Variants in TRIM62 observed in about 807,000 individuals in gnomAD.
TRIM62 encodes the protein tripartite motif containing 62, also known as E3 ubiquitin-protein ligase TRIM62.
In TRIM62, 39 loss-of-function variants were observed where a neutral mutation model predicts 44.2. The observed-to-expected ratio is 0.88, with a 90% CI of 0.68 to 1.15. TRIM62 has a LOEUF of 1.15. Among genes scored for constraint, TRIM62 ranks in the 50% most tolerant of loss-of-function variants. The probability of loss-of-function intolerance (pLI) is 0.00; values close to 1 mark genes in which losing one functional copy is unlikely to be tolerated. For missense variants in TRIM62, 544 were observed against 665.5 expected (o/e 0.82, Z 2.01); for synonymous variants, 278 against 292.3 (o/e 0.95, Z 0.50).
In TRIM62 at chr1:33,147,628, G is replaced by A; in HGVS notation, c.977C>T (p.Pro326Leu). ...IVAYGNLHPQ[P>L]LQDSPKRFDV... is the part of the protein sequence containing the mutation. ...GAAGCGCTTTGGCGAGTCCTGCAGTGGCTGTGGGTGCAAGTTGCCGTAAGC... is the reference window on the plus strand; with the variant it reads ...GAAGCGCTTTGGCGAGTCCTGCAGTAGCTGTGGGTGCAAGTTGCCGTAAGC... The change falls in exon 5 of 5, where the codon CCA becomes CTA. Residue 326 changes from proline to leucine, a missense_variant. Coordinates refer to ENST00000291416, the MANE Select transcript of TRIM62 (RefSeq NM_018207.3). The surrounding 1 kb of genome is among the most constrained non-coding windows in gnomAD (Gnocchi z 8.1). The A allele has an allele frequency of 6.2e-7, 1 of 1,614,032 alleles. No individual in the cohort carries two copies. The highest frequency in any genetic ancestry group is 8.5e-7 in the Non-Finnish European group (1 of 1,180,042).
intron 4 of TRIM62, among the ~76,000 whole-genome samples, chr1:33,151,059 C>T (rs1405300443): frequency 4.6e-5 from 7 of 152,058 alleles, no homozygotes; most frequent in African/African-American, 1.7e-4. Flanking sequence ...CAGCTTCAGA[C>T]TTGTAGCTTA....
chr1:33,181,108 G>A lies in TRIM62; in HGVS notation c.325C>T (p.Leu109Phe). 1 of 1,600,180 alleles carries A rather than the reference G, an allele frequency of 6.2e-7. No homozygotes were observed. The highest frequency in any genetic ancestry group is 8.5e-7 in the Non-Finnish European group (1 of 1,178,768). Residue 109 changes from leucine (L) to phenylalanine (F), a missense_variant, in exon 1 of 5, where the codon CTT becomes TTT. Coordinates refer to ENST00000291416, the MANE Select transcript of TRIM62 (RefSeq NM_018207.3). This position sits in a 1 kb window ranked among gnomAD's most constrained non-coding sequence, Gnocchi z 6.5. ...VKLFCLTDRA[L>F]LCFFCDEPAL... ...GGCTCGTCGCAGAAGAAGCAGAGAA[G>A]CGCGCGGTCCGTGAGGCAGAAGAGC...
intron 4 of TRIM62, among the ~76,000 whole-genome samples, chr1:33,154,076 G>C (rs1557751543): frequency 6.6e-6 from 1 of 152,246 alleles, no homozygotes; most frequent in Non-Finnish European, 1.5e-5. Context: ...GGATTGTGTA[G>C]AGGGCTGCAG....
At chr1:33,170,527 G>A (rs1364010748) in intron 1 of TRIM62, among the ~76,000 whole-genome samples, 1 of 152,040 alleles carries the variant, frequency 6.6e-6, no homozygotes, top group Admixed American at 6.6e-5. Flanking sequence ...TCTTCAGGAT[G>A]TCCCTGCCCA....
At chr1:33,173,245 T>G (rs1645388171) in intron 1 of TRIM62, among the ~76,000 whole-genome samples, 1 of 152,212 alleles carries the variant, frequency 6.6e-6, no homozygotes, top group Middle Eastern at 3.2e-3. Flanking sequence ...GGCCAGTCCC[T>G]GCTTCTAGGG....
chr1:33,146,689 A>C lies in TRIM62; in HGVS notation c.*488T>G. On this transcript the variant is annotated 3_prime_UTR_variant, in exon 5 of 5. Coordinates refer to ENST00000291416, the MANE Select transcript of TRIM62 (RefSeq NM_018207.3). ...CTCTCAGGCAACCCTAGGACCAGGT[A>C]CTACCTGTGACCACTGTGGACTGGG... The C allele has an allele frequency of 5.8e-6, 1 of 173,026 alleles. No individual in the cohort carries two copies. 10.7% of individuals were successfully genotyped at this position (173,026 alleles called of 1,614,324 possible). A position where few individuals can be genotyped will look rare whatever the true frequency, so the allele number is the denominator to read the frequency against.
chr1:33,157,793 G>A (rs1645201466), intron 4 of TRIM62, among the ~76,000 whole-genome samples: 1 of 150,148 alleles, frequency 6.7e-6, no homozygotes. Context: ...GTCTTGCTCT[G>A]TTGCCCAGGC....
chr1:33,177,996 A>G lies in TRIM62; in HGVS notation c.408+3029T>C, dbSNP rs1353595055. Among the ~76,000 whole-genome samples, 1 of 152,226 alleles carries G rather than the reference A, an allele frequency of 6.6e-6. No individual in the cohort carries two copies. The highest frequency in any genetic ancestry group is 1.5e-5 in the Non-Finnish European group (1 of 68,048). ...GAGCCAGGATTGAGATTACCTGGGTACAAAGCAGGGCTCTTAATTTCTCTG... is the reference window on the plus strand; with the variant it reads ...GAGCCAGGATTGAGATTACCTGGGTGCAAAGCAGGGCTCTTAATTTCTCTG... On this transcript the variant is annotated intron_variant, in intron 1 of 4. Transcript: ENST00000291416. This position sits in a 1 kb window ranked among gnomAD's most constrained non-coding sequence, Gnocchi z 4.1.
chr1:33,173,678 CT>C (rs11330769), intron 1 of TRIM62, among the ~76,000 whole-genome samples: 139,961 of 143,808 alleles, frequency 0.97, 68,138 homozygotes, highest in Non-Finnish European at 0.99. Flanking sequence ...CAGTTTCTTT[CT>C]TTTTTTTTTT....
intron 1 of TRIM62, among the ~76,000 whole-genome samples, chr1:33,180,119 A>T (rs1645449424): frequency 2.0e-5 from 3 of 152,120 alleles, no homozygotes. Context: ...AGGGAGACCG[A>T]TTAGAGTTCT....
Position 33,181,570 on chromosome 1 carries a change from G to C in TRIM62, c.-138C>G. On this transcript the variant is annotated 5_prime_UTR_variant, in exon 1 of 5. Transcript: ENST00000291416. The surrounding 1 kb of genome is among the most constrained non-coding windows in gnomAD (Gnocchi z 6.5). ...CAGGGGTAGGAGCTACCGGAGAAGG[G>C]AGGGGGTGCTGTCCGGAAGGAGGGT... is the stretch of plus-strand genomic sequence containing the variant. The C allele has an allele frequency of 7.2e-7, 1 of 1,387,714 alleles. No individual in the cohort carries two copies. Among genetic ancestry groups the C allele is most frequent in the South Asian group, 1.5e-5 (1 of 65,378 alleles). The allele number at this position is 1,387,714 out of a possible 1,614,324, so 86.0% of individuals were successfully genotyped here. A position where few individuals can be genotyped will look rare whatever the true frequency, so the allele number is the denominator to read the frequency against.
Position 33,174,951 on chromosome 1 carries a change from A to G in TRIM62, c.408+6074T>C, listed in dbSNP as rs1354110866. On this transcript the variant is annotated intron_variant, in intron 1 of 4. Transcript: ENST00000291416. ...CACACATACATATATGTGTGTATAT[A>G]TATATATATATATATATACACACAT... Among the ~76,000 whole-genome samples the G allele has an allele frequency of 6.4e-4, 9 of 14,100 alleles. No homozygotes were observed. In the South Asian group the frequency reaches 8.4e-3, roughly 13 times the overall value. 9.3% of individuals were successfully genotyped at this position (14,100 alleles called of 152,430 possible). A position where few individuals can be genotyped will look rare whatever the true frequency, so the allele number is the denominator to read the frequency against.
intron 2 of TRIM62, chr1:33,163,543 C>T (rs758525585): frequency 2.0e-5 from 3 of 152,460 alleles, no homozygotes; most frequent in Admixed American, 6.5e-5. Context: ...AGGGCAGAGT[C>T]ACCCTTTCCC....
chr1:33,160,082 T>A, intron 2 of TRIM62, 138 bp from the exon 3 acceptor site: 1 of 1,088,766 alleles, frequency 9.2e-7, no homozygotes, highest in Non-Finnish European at 1.3e-6. Flanking sequence ...AAATGTCACA[T>A]GCAAAAGCAT....
In TRIM62 at chr1:33,181,644, G is replaced by A. The variant is rs1645465538; in HGVS notation, c.-212C>T. ...TGAGACTCCGTGGGACGCCAGCCCG[G>A]GAGGGCAGTCTAGAGGTAGTGGGCA... On this transcript the variant is annotated 5_prime_UTR_variant, in exon 1 of 5. Coordinates refer to ENST00000291416, the MANE Select transcript of TRIM62 (RefSeq NM_018207.3). The surrounding 1 kb of genome is among the most constrained non-coding windows in gnomAD (Gnocchi z 6.5). 3 of 882,184 alleles carry A rather than the reference G, an allele frequency of 3.4e-6. No individual in the cohort carries two copies. The East Asian group carries it at 8.9e-5, about 26-fold the overall frequency. The allele number at this position is 882,184 out of a possible 1,614,324, so 54.6% of individuals were successfully genotyped here.
intron 2 of TRIM62, among the ~76,000 whole-genome samples, chr1:33,160,535 G>A (rs774605199): frequency 2.0e-5 from 3 of 152,030 alleles, no homozygotes; most frequent in Non-Finnish European, 4.4e-5. Flanking sequence ...CTCCCTAGTA[G>A]CTGGGATTAC....
At chr1:33,174,019 A>T (rs992493333) in intron 1 of TRIM62, among the ~76,000 whole-genome samples, 2 of 151,808 alleles carry the variant, frequency 1.3e-5, no homozygotes, top group Non-Finnish European at 2.9e-5. Context: ...TTTAAAAAAA[A>T]TTTTATTGAG....
chr1:33,154,248 A>G (rs1370088951), intron 4 of TRIM62, among the ~76,000 whole-genome samples: 1 of 150,830 alleles, frequency 6.6e-6, no homozygotes, highest in Non-Finnish European at 1.5e-5. Context: ...CTGGGAGGCA[A>G]AAGTGCATCC....
At chr1:33,176,270 T>A (rs1476422266) in intron 1 of TRIM62, 2 of 502,258 alleles carry the variant, frequency 4.0e-6, no homozygotes, top group Non-Finnish European at 7.3e-6. Flanking sequence ...TAGTTCTTAC[T>A]TCCATTTCTC....
Sources: gnomAD v4.1 joint callset for allele counts (sites outside exome capture counted in the v4.1 genomes callset) on GRCh38, gnomAD v4.1.1 for gene constraint, Gnocchi (gnomAD v3.1) non-coding constraint, MANE v1.5 for transcripts, NCBI Gene and HGNC (gene_info 2026-07-23, HGNC 2026-07-21) for gene names.